SLC45A4: variants seen among roughly 807,000 people sequenced by gnomAD.
SLC45A4 encodes polyamine-transporter SLC45A4.
In SLC45A4, 32 loss-of-function variants were observed where a neutral mutation model predicts 63.7. The observed-to-expected ratio is 0.50, with a 90% confidence interval of 0.38 to 0.67. The LOEUF is 0.67. SLC45A4 is among the 30% of genes least tolerant of loss of function. SLC45A4 has a pLI of 0.00. For synonymous variants in SLC45A4, 535 were observed against 510.0 expected, an observed-to-expected ratio of 1.05 and a Z score of -0.66; for missense variants, 1,027 against 1,157.7, an observed-to-expected ratio of 0.89 and a Z score of 1.64.
At position 141,241,277 on chromosome 8, in the gene SLC45A4, G is replaced by A. The variant is rs188025165; in HGVS notation, c.241+12712C>T. Among the ~76,000 whole-genome samples the A allele has an allele frequency of 3.6e-3, 554 of 152,380 alleles. 1 individual carries two copies. Among genetic ancestry groups the A allele is most frequent in the Middle Eastern group, 0.024 (7 of 294 alleles). The stretch of plus-strand genomic sequence containing the variant: ...GGGCGACAGACGGCTCACCGGCAAC[G>A]TGGTGGACACAGAACCAGAGGCTTT... On this transcript the variant is annotated intron_variant, in intron 2 of 8. Coordinates refer to ENST00000517878, the MANE Select transcript of SLC45A4 (RefSeq NM_001286646.2).
chr8:141,260,233 A>G (rs1423118016), intron 1 of SLC45A4, among the ~76,000 whole-genome samples: 1 of 152,244 alleles, frequency 6.6e-6, no homozygotes, highest in African/African-American at 2.4e-5. Context: ...AAGTACAAAA[A>G]TCTACCAAAT....
intron 2 of SLC45A4, chr8:141,224,655 C>G (rs1231973328): frequency 6.6e-6 from 1 of 152,310 alleles, no homozygotes; most frequent in African/African-American, 2.4e-5. Flanking sequence ...TTTTGCCATG[C>G]TGGCCAGGCT....
At chr8:141,236,102 T>TCAAAAA (rs200181564) in intron 2 of SLC45A4, among the ~76,000 whole-genome samples, 5 of 152,218 alleles carry the variant, frequency 3.3e-5, no homozygotes, top group African/African-American at 1.2e-4. Context: ...AGACTCCGTC[T>TCAAAAA]CAAAAACAAA....
chr8:141,263,247 G>C (rs978359461), intron 1 of SLC45A4, among the ~76,000 whole-genome samples: 1 of 151,218 alleles, frequency 6.6e-6, no homozygotes, highest in African/African-American at 2.4e-5. Context: ...ATAGCATGAA[G>C]AGATATACCT....
intron 2 of SLC45A4, among the ~76,000 whole-genome samples, chr8:141,236,212 G>C (rs1157790625): frequency 6.6e-6 from 1 of 152,148 alleles, no homozygotes; most frequent in African/African-American, 2.4e-5. Context: ...TAACACCAAA[G>C]CCCAGGCACT....
chr8:141,241,007 C>T (rs1262415699), intron 2 of SLC45A4, among the ~76,000 whole-genome samples: 2 of 152,258 alleles, frequency 1.3e-5, no homozygotes, highest in African/African-American at 4.8e-5. Flanking sequence ...ACTTCACACC[C>T]TCCCGCTCTC....
chr8:141,244,621 T>G (rs1373311343), intron 2 of SLC45A4, among the ~76,000 whole-genome samples: 1 of 152,054 alleles, frequency 6.6e-6, no homozygotes, highest in Non-Finnish European at 1.5e-5. Context: ...AGTGGGAGCA[T>G]GCAGAGGGGC....
At chr8:141,269,874 A>G (rs1829445385) in intron 1 of SLC45A4, among the ~76,000 whole-genome samples, 1 of 152,126 alleles carries the variant, frequency 6.6e-6, no homozygotes, top group African/African-American at 2.4e-5. Flanking sequence ...CCCAGGAATG[A>G]GCGGACACCG....
intron 1 of SLC45A4, among the ~76,000 whole-genome samples, chr8:141,258,545 C>A (rs1828909636): frequency 2.0e-5 from 3 of 152,164 alleles, no homozygotes; most frequent in Non-Finnish European, 4.4e-5. Context: ...ACCAAAAGGT[C>A]TCAGGGATCA....
chr8:141,244,637 C>T (rs1163387171), intron 2 of SLC45A4, among the ~76,000 whole-genome samples: 2 of 152,118 alleles, frequency 1.3e-5, no homozygotes, highest in African/African-American at 4.8e-5. Context: ...GGGGCCAGGC[C>T]AGGCGGATGT....
chr8:141,212,174 G>A (rs775703892), intron 8 of SLC45A4, 23 bp downstream of exon 8: 15 of 1,057,272 alleles, frequency 1.4e-5, no homozygotes, highest in Admixed American at 1.3e-4. Flanking sequence ...TGGAATGTGT[G>A]TAAACGGGAG....
intron 2 of SLC45A4, chr8:141,228,462 C>T (rs72681563): frequency 4.3e-4 from 585 of 1,370,296 alleles, no homozygotes; most frequent in Non-Finnish European, 5.2e-4. Context: ...AGGGCCGACC[C>T]TGTGTCCAGC....
At position 141,227,896 on chromosome 8, in the gene SLC45A4, C is replaced by T. The variant is rs1465468670; in HGVS notation, c.242-6131G>A. On this transcript the variant is annotated intron_variant, in intron 2 of 8. Coordinates refer to ENST00000517878, the MANE Select transcript of SLC45A4 (RefSeq NM_001286646.2). The surrounding 1 kb of genome is among the most constrained non-coding windows in gnomAD (Gnocchi z 4.4). ...ACTCCAACACCCACGGCCCACCCAG[C>T]CCCTCCCGGAGTGCCAGCCATGGCT... Among the ~76,000 whole-genome samples the T allele has an allele frequency of 6.6e-6, 1 of 152,214 alleles. No homozygotes were observed. The highest frequency in any genetic ancestry group is 1.5e-5 in the Non-Finnish European group (1 of 68,034).
chr8:141,259,547 C>T (rs945575103), intron 1 of SLC45A4, among the ~76,000 whole-genome samples: 7 of 152,028 alleles, frequency 4.6e-5, no homozygotes, highest in East Asian at 1.9e-4. Flanking sequence ...CATCTCCTCC[C>T]GTGCATCTCC....
At chr8:141,279,295 T>C (rs185966611) in intron 1 of SLC45A4, among the ~76,000 whole-genome samples, 1 of 152,310 alleles carries the variant, frequency 6.6e-6, no homozygotes, top group East Asian at 1.9e-4. Flanking sequence ...AGGAAACGGC[T>C]CTGGAGGGGA....
chr8:141,248,165 C>T (rs960781465), intron 2 of SLC45A4, among the ~76,000 whole-genome samples: 1 of 152,178 alleles, frequency 6.6e-6, no homozygotes, highest in Non-Finnish European at 1.5e-5. Flanking sequence ...TTAAAAAAGA[C>T]TTCAGGTCAG....
chr8:141,233,831 G>A (rs552692445), intron 2 of SLC45A4, among the ~76,000 whole-genome samples: 1 of 152,346 alleles, frequency 6.6e-6, no homozygotes, highest in East Asian at 1.9e-4. Context: ...TTTTGCTGGT[G>A]CAGGGCCTTG....
At chr8:141,234,510 T>C (rs912595576) in intron 2 of SLC45A4, among the ~76,000 whole-genome samples, 2 of 152,218 alleles carry the variant, frequency 1.3e-5, no homozygotes, top group African/African-American at 4.8e-5. Flanking sequence ...TTAGCATCTT[T>C]CTACCCAAAC....
chr8:141,244,957 T>TGGGGGGGGGGGGGGGGGGGGGGGGGG, intron 2 of SLC45A4, among the ~76,000 whole-genome samples: 1 of 8,412 alleles, frequency 1.2e-4, no homozygotes, highest in South Asian at 4.4e-3. Context: ...AAGACGTGGG[T>TGGGGGGGGGGGGGGGGGGGGGGGGGG]GGGGGGGGGG....
Sources: allele counts gnomAD v4.1 joint callset (sites outside exome capture counted in the v4.1 genomes callset), GRCh38; gene constraint gnomAD v4.1.1; non-coding constraint Gnocchi (gnomAD v3.1); transcripts MANE v1.5; gene names NCBI Gene and HGNC (gene_info 2026-07-23, HGNC 2026-07-21).